UBE2G2: variants seen among roughly 807,000 people sequenced by gnomAD.
UBE2G2 encodes the protein ubiquitin-conjugating enzyme E2 G2.
UBE2G2 carries 10 observed loss-of-function variants against 23.0 expected under a neutral mutation model. The observed-to-expected ratio is 0.43, with a 90% CI of 0.27 to 0.74. UBE2G2 has a LOEUF of 0.74. UBE2G2 is among the 30% of genes least tolerant of loss of function. The probability of loss-of-function intolerance (pLI) is 0.19; values close to 1 mark genes in which losing one functional copy is unlikely to be tolerated. For missense variants in UBE2G2, 150 were observed against 218.3 expected (o/e 0.69, Z 1.97); for synonymous variants, 86 against 81.3 (o/e 1.06, Z -0.31).
intron 1 of UBE2G2, among the ~76,000 whole-genome samples, chr21:44,789,638 C>G (rs566444971): frequency 7.2e-5 from 11 of 152,064 alleles, no homozygotes; most frequent in African/African-American, 2.7e-4. Context: ...AAAAAAAAAT[C>G]AAACTTTCCC....
chr21:44,770,716 C>T lies in UBE2G2; in HGVS notation c.*661G>A, dbSNP rs1555959735. On this transcript the variant is annotated 3_prime_UTR_variant, in exon 6 of 6. Coordinates refer to ENST00000345496, the MANE Select transcript of UBE2G2 (RefSeq NM_003343.6). ...ACAGGCACGAACCACCGCACCTGGCCAATCAGCAATAAATTTCTTTTCTAT... is the reference window on the plus strand; with the variant it reads ...ACAGGCACGAACCACCGCACCTGGCTAATCAGCAATAAATTTCTTTTCTAT... 2 of 152,194 alleles carry T rather than the reference C, an allele frequency of 1.3e-5. No individual in the cohort carries two copies. Among genetic ancestry groups the T allele is most frequent in the African/African-American group, 4.8e-5 (2 of 41,434 alleles). The allele number at this position is 152,194 out of a possible 1,614,324, so 9.4% of individuals were successfully genotyped here.
At position 44,771,274 on chromosome 21, in the gene UBE2G2, C is replaced by G; in HGVS notation, c.*103G>C. 1 of 1,018,856 alleles carries G rather than the reference C, an allele frequency of 9.8e-7. No individual in the cohort carries two copies. 63.1% of individuals were successfully genotyped at this position (1,018,856 alleles called of 1,614,324 possible). On this transcript the variant is annotated 3_prime_UTR_variant, in exon 6 of 6. Coordinates refer to ENST00000345496, the MANE Select transcript of UBE2G2 (RefSeq NM_003343.6). This position sits in a 1 kb window ranked among gnomAD's most constrained non-coding sequence, Gnocchi z 4.6. ...AAAAGATGCCATGGTTCTTGCAAGT[C>G]TGCCTTGTTTGGTACCAGCACAGAG... is the stretch of plus-strand genomic sequence containing the variant.
At position 44,779,278 on chromosome 21, in the gene UBE2G2, A is replaced by G. The variant is rs1314156006; in HGVS notation, c.126-1861T>C. The G allele has an allele frequency of 1.8e-5, 7 of 395,876 alleles. No homozygotes were observed. In the East Asian group the frequency reaches 2.7e-4, roughly 15 times the overall value. The allele number at this position is 395,876 out of a possible 1,614,324, so 24.5% of individuals were successfully genotyped here. ...TGCTTCATGGAGACAAGATTTTTCAATCTAAAAGACAAATTTTGATTCTGA... is the reference window on the plus strand; with the variant it reads ...TGCTTCATGGAGACAAGATTTTTCAGTCTAAAAGACAAATTTTGATTCTGA... On this transcript the variant is annotated intron_variant, in intron 3 of 5. Coordinates refer to ENST00000345496, the MANE Select transcript of UBE2G2 (RefSeq NM_003343.6).
intron 1 of UBE2G2, chr21:44,801,266 G>A (rs902159374): frequency 4.0e-6 from 4 of 997,620 alleles, no homozygotes; most frequent in Non-Finnish European, 4.8e-6. Context: ...TTCATTAGAG[G>A]GAAAGCCAAA....
rs78461023 is a variant in UBE2G2, at chr21:44,787,578, G to A, written c.125+342C>T. Among the ~76,000 whole-genome samples, 69 of 152,302 alleles carry A rather than the reference G, an allele frequency of 4.5e-4. 2 individuals carry two copies. The East Asian group carries it at 8.3e-3, about 18-fold the overall frequency. On this transcript the variant is annotated intron_variant, in intron 3 of 5. Coordinates refer to ENST00000345496, the MANE Select transcript of UBE2G2 (RefSeq NM_003343.6). The stretch of plus-strand genomic sequence containing the variant: ...TCGTCAAAATTTCACACCTGAAGGG[G>A]CTACTTCTGGAAGCCAAAGCCACCT...
chr21:44,797,408 T>C (rs1004416029), intron 1 of UBE2G2, among the ~76,000 whole-genome samples: 6 of 152,212 alleles, frequency 3.9e-5, no homozygotes, highest in Non-Finnish European at 8.8e-5. Flanking sequence ...AGGGGTTTAA[T>C]GATTTTCTTC....
chr21:44,775,381 G>A (rs1300894443), intron 4 of UBE2G2: 1 of 152,236 alleles, frequency 6.6e-6, no homozygotes, highest in African/African-American at 2.4e-5. Context: ...TGGAATATAA[G>A]CTCCTGAAGG....
In UBE2G2 at chr21:44,768,985, T is replaced by C. The variant is rs2082849614; in HGVS notation, c.*2392A>G. ...TCCCAGCTGGGATGATCTGGTGTGC[T>C]CCCTGGGGGCAGTGGCCACAGGCTC... On this transcript the variant is annotated 3_prime_UTR_variant, in exon 6 of 6. Coordinates refer to ENST00000345496, the MANE Select transcript of UBE2G2 (RefSeq NM_003343.6). The C allele has an allele frequency of 6.6e-6, 1 of 151,996 alleles. No homozygotes were observed. Among genetic ancestry groups the C allele is most frequent in the Non-Finnish European group, 1.5e-5 (1 of 68,028 alleles). The allele number at this position is 151,996 out of a possible 1,614,324, so 9.4% of individuals were successfully genotyped here. A position where few individuals can be genotyped will look rare whatever the true frequency, so the allele number is the denominator to read the frequency against.
intron 3 of UBE2G2, among the ~76,000 whole-genome samples, chr21:44,781,584 G>T (rs1211707134): frequency 6.6e-6 from 1 of 152,170 alleles, no homozygotes; most frequent in Non-Finnish European, 1.5e-5. Flanking sequence ...GTAGCAAGAG[G>T]ACGAGGCTGT....
intron 5 of UBE2G2, 101 bp downstream of exon 5, chr21:44,773,446 A>G (rs2082888963): frequency 1.4e-6 from 2 of 1,426,226 alleles, no homozygotes; most frequent in East Asian, 4.9e-5. Context: ...ACTAACTGCA[A>G]ATGAGGAAAA....
At chr21:44,783,309 G>A (rs561604704) in intron 3 of UBE2G2, among the ~76,000 whole-genome samples, 1 of 152,356 alleles carries the variant, frequency 6.6e-6, no homozygotes, top group Middle Eastern at 3.4e-3. Context: ...ATACACTGCT[G>A]CTGGGAATGC....
chr21:44,779,231 C>A (rs1555960984), intron 3 of UBE2G2: 2 of 447,668 alleles, frequency 4.5e-6, no homozygotes, highest in Non-Finnish European at 8.9e-6. Flanking sequence ...GGGCAACAGT[C>A]AGAAGAGAAC....
chr21:44,790,429 T>C (rs1202269245), intron 1 of UBE2G2, among the ~76,000 whole-genome samples: 1 of 152,214 alleles, frequency 6.6e-6, no homozygotes, highest in African/African-American at 2.4e-5. Flanking sequence ...AACCCAAATG[T>C]CCATTGATAT....
Position 44,788,101 on chromosome 21 carries a change from A to C in UBE2G2, c.44-6T>G, listed in dbSNP as rs782549681. ...CGGAGGATTCAGTGTTAATTCTATA[A>C]AATTAATAAGTAAAACCATTACCAA... On this transcript the variant is annotated splice_polypyrimidine_tract_variant and splice_region_variant and intron_variant, in intron 1 of 5. Coordinates refer to ENST00000345496, the MANE Select transcript of UBE2G2 (RefSeq NM_003343.6). The C allele has an allele frequency of 2.5e-6, 4 of 1,598,882 alleles. No individual in the cohort carries two copies. The highest frequency in any genetic ancestry group is 3.4e-6 in the Non-Finnish European group (4 of 1,174,246).
chr21:44,784,828 G>A (rs1291526861), intron 3 of UBE2G2, among the ~76,000 whole-genome samples: 1 of 152,180 alleles, frequency 6.6e-6, no homozygotes, highest in African/African-American at 2.4e-5. Context: ...CTGGTCTGGG[G>A]AGGTGACAGC....
intron 1 of UBE2G2, among the ~76,000 whole-genome samples, chr21:44,792,071 T>C (rs1037325059): frequency 2.0e-5 from 3 of 152,216 alleles, no homozygotes; most frequent in African/African-American, 4.8e-5. Flanking sequence ...CCATTGGTAA[T>C]GGGAGTATTT....
Position 44,771,406 on chromosome 21 carries a change from G to C in UBE2G2, c.469C>G (p.Gln157Glu), listed in dbSNP as rs782774201. ...DREQFYKIAK[Q>E]IVQKSLGL ...AGTCCCAGAGACTTCTGGACGATCT[G>C]CTTGGCAATCTTATAGAACTGCTCC... Residue 157 changes from glutamine (Q) to glutamate (E), a missense_variant, in exon 6 of 6, where the codon CAG (glutamine) becomes GAG (glutamate). By Grantham distance (29) the Gln-to-Glu change is conservative. Coordinates refer to ENST00000345496, the MANE Select transcript of UBE2G2 (RefSeq NM_003343.6). The surrounding 1 kb of genome is among the most constrained non-coding windows in gnomAD (Gnocchi z 4.6). The C allele has an allele frequency of 1.9e-6, 3 of 1,613,128 alleles. No homozygotes were observed. Among genetic ancestry groups the C allele is most frequent in the East Asian group, 2.2e-5 (1 of 44,882 alleles).
At chr21:44,784,790 T>C (rs1370197071) in intron 3 of UBE2G2, among the ~76,000 whole-genome samples, 1 of 152,120 alleles carries the variant, frequency 6.6e-6, no homozygotes, top group Admixed American at 6.5e-5. Flanking sequence ...GGAAGGTCCT[T>C]CTTATTTCAC....
intron 1 of UBE2G2, 107 bp downstream of exon 1, chr21:44,801,599 C>A: frequency 7.2e-7 from 1 of 1,379,404 alleles, no homozygotes; most frequent in Admixed American, 3.6e-5. Context: ...GGTGGAGGCC[C>A]CGGGCCCGGC....
Sources: gnomAD v4.1 joint callset for allele counts (sites outside exome capture counted in the v4.1 genomes callset) on GRCh38, gnomAD v4.1.1 for gene constraint, Gnocchi (gnomAD v3.1) non-coding constraint, MANE v1.5 for transcripts, NCBI Gene and HGNC (gene_info 2026-07-23, HGNC 2026-07-21) for gene names.